CGNL1: variants seen among roughly 807,000 people sequenced by gnomAD.
CGNL1 encodes the protein cingulin like 1.
A neutral mutation model predicts 141.2 loss-of-function variants in CGNL1; 132 were observed. The observed-to-expected ratio is 0.93, with a 90% CI of 0.81 to 1.08. The LOEUF (loss-of-function observed/expected upper bound fraction) is 1.08. Ranked by LOEUF, CGNL1 falls within the 50% of genes least tolerant of loss-of-function variation. The probability of loss-of-function intolerance (pLI) is 0.00; values close to 1 mark genes in which losing one functional copy is unlikely to be tolerated. For synonymous variants in CGNL1, 690 were observed against 622.1 expected, an observed-to-expected ratio of 1.11 and a Z score of -1.63; for missense variants, 1,870 against 1,588.6, an observed-to-expected ratio of 1.18 and a Z score of -3.01.
At chr15:57,429,508 A>G (rs1274006222) in intron 1 of CGNL1, among the ~76,000 whole-genome samples, 3 of 152,208 alleles carry the variant, frequency 2.0e-5, no homozygotes, top group Non-Finnish European at 4.4e-5. Flanking sequence ...CTGTAGCACA[A>G]ACGGTGTGGA....
intron 2 of CGNL1, 78 bp from the exon 3 acceptor site, chr15:57,440,299 C>T (rs2063169807): frequency 1.0e-6 from 1 of 1,003,324 alleles, no homozygotes; most frequent in East Asian, 2.6e-5. Flanking sequence ...GAAGGATGCT[C>T]ACTGGAGGAA....
chr15:57,462,606 A>G (rs1490347819), intron 8 of CGNL1, among the ~76,000 whole-genome samples: 1 of 152,218 alleles, frequency 6.6e-6, no homozygotes, highest in East Asian at 1.9e-4. Flanking sequence ...AGACTCTGCA[A>G]TATATAGGTT....
At chr15:57,528,529 G>C (rs539083041) in intron 12 of CGNL1, 125 bp from the exon 13 acceptor site, 1 of 926,126 alleles carries the variant, frequency 1.1e-6, no homozygotes, top group Admixed American at 2.4e-5. Context: ...AAGGTCTTCT[G>C]ATCTCCCATA....
At chr15:57,512,744 CT>C (rs1193115723) in intron 8 of CGNL1, among the ~76,000 whole-genome samples, 1 of 152,290 alleles carries the variant, frequency 6.6e-6, no homozygotes. Context: ...TATCCTCATT[CT>C]TCCTGAGATT....
At chr15:57,389,895 A>T (rs1244284465) in intron 1 of CGNL1, among the ~76,000 whole-genome samples, 1 of 736 alleles carries the variant, frequency 1.4e-3, no homozygotes, top group African/African-American at 2.7e-3. Flanking sequence ...GCTCACTGCA[A>T]CCTCCCACCT....
intron 8 of CGNL1, among the ~76,000 whole-genome samples, chr15:57,495,958 G>A (rs775686907): frequency 2.0e-5 from 3 of 152,156 alleles, no homozygotes; most frequent in Non-Finnish European, 4.4e-5. Flanking sequence ...GGCCAAGAAT[G>A]TCTTGGCAAT....
At chr15:57,403,397 C>A (rs921455740) in intron 1 of CGNL1, among the ~76,000 whole-genome samples, 4 of 152,200 alleles carry the variant, frequency 2.6e-5, no homozygotes, top group Non-Finnish European at 5.9e-5. Context: ...CATTAAACCT[C>A]CATGCAAAGA....
At chr15:57,464,508 T>C (rs1301427712) in intron 8 of CGNL1, among the ~76,000 whole-genome samples, 1 of 152,184 alleles carries the variant, frequency 6.6e-6, no homozygotes, top group East Asian at 1.9e-4. Context: ...GTCTGGCAAG[T>C]GAAAGTTAGT....
chr15:57,386,619 G>A (rs746326412), intron 1 of CGNL1, among the ~76,000 whole-genome samples: 27 of 152,210 alleles, frequency 1.8e-4, no homozygotes, highest in Non-Finnish European at 3.1e-4. Flanking sequence ...GGCTTTTCCC[G>A]TGCTTGTTGT....
intron 14 of CGNL1, among the ~76,000 whole-genome samples, chr15:57,537,204 G>A (rs1350978037): frequency 6.6e-6 from 1 of 152,204 alleles, no homozygotes; most frequent in Non-Finnish European, 1.5e-5. Flanking sequence ...CCAGGCAGCT[G>A]GCAGGCAGGA....
chr15:57,419,350 C>G (rs1880210655), intron 1 of CGNL1, among the ~76,000 whole-genome samples: 1 of 152,164 alleles, frequency 6.6e-6, no homozygotes, highest in Admixed American at 6.5e-5. Flanking sequence ...CAATATCATG[C>G]AATTGGTTTG....
At chr15:57,393,513 G>C (rs1040782839) in intron 1 of CGNL1, among the ~76,000 whole-genome samples, 1 of 152,164 alleles carries the variant, frequency 6.6e-6, no homozygotes, top group Non-Finnish European at 1.5e-5. Flanking sequence ...CAGTGTGTGT[G>C]TGTATTTATG....
At position 57,438,795 on chromosome 15, in the gene CGNL1, C is replaced by G. The variant is rs371105851; in HGVS notation, c.796C>G (p.Pro266Ala). Residue 266 changes from proline to alanine, a missense_variant, in exon 2 of 19, where the codon CCT becomes GCT. Pro to Ala is a conservative substitution (Grantham distance 27, BLOSUM62 -1). Coordinates refer to ENST00000281282, the MANE Select transcript of CGNL1 (RefSeq NM_032866.5). ...GACTGCCCACAGCCCACATGCCCAC[C>G]CTGAAACCAAGAAAACCAGGCCAGA... ...PLTAHSPHAH[P>A]ETKKTRPDVL... 6.8e-6 allele frequency: 11 copies of G among 1,614,064 alleles called. No homozygotes were observed. In the African/African-American group the frequency reaches 9.3e-5, roughly 14 times the overall value.
intron 14 of CGNL1, among the ~76,000 whole-genome samples, chr15:57,535,660 G>A (rs149945323): frequency 6.6e-6 from 1 of 152,362 alleles, no homozygotes; most frequent in African/African-American, 2.4e-5. Context: ...AAGGAGATAA[G>A]TTTGAAGAGG....
At chr15:57,501,741 G>A (rs1270096020) in intron 8 of CGNL1, among the ~76,000 whole-genome samples, 2 of 152,136 alleles carry the variant, frequency 1.3e-5, no homozygotes, top group Non-Finnish European at 1.5e-5. Flanking sequence ...GAGCCAGAGG[G>A]TTATTGGAGG....
chr15:57,388,324 A>T (rs1419067369), intron 1 of CGNL1, among the ~76,000 whole-genome samples: 1 of 152,108 alleles, frequency 6.6e-6, no homozygotes, highest in Non-Finnish European at 1.5e-5. Context: ...TAAAATAAAG[A>T]AAATTCTAGG....
At chr15:57,537,248 G>A (rs2032309022) in intron 14 of CGNL1, among the ~76,000 whole-genome samples, 1 of 152,130 alleles carries the variant, frequency 6.6e-6, no homozygotes, top group African/African-American at 2.4e-5. Flanking sequence ...TGGCTTCATG[G>A]TCTCTCCAGG....
At chr15:57,415,963 A>G (rs2152275957) in intron 1 of CGNL1, among the ~76,000 whole-genome samples, 1 of 152,200 alleles carries the variant, frequency 6.6e-6, no homozygotes, top group South Asian at 2.1e-4. Context: ...CGGCCGTGGG[A>G]TCCCTGCTCT....
Position 57,548,229 on chromosome 15 carries a change from G to C in CGNL1, c.*739G>C, listed in dbSNP as rs1358284866. On this transcript the variant is annotated 3_prime_UTR_variant, in exon 19 of 19. Transcript: ENST00000281282. Reference sequence around the variant, plus strand: ...TTGGTCAGGCTGGTCTTGAACTCCTGACCTCAGGTGATCCACCTGCCTCAG... The same window carrying C: ...TTGGTCAGGCTGGTCTTGAACTCCTCACCTCAGGTGATCCACCTGCCTCAG... 6.6e-6 allele frequency: 1 copy of C among 152,140 alleles called. No homozygotes were observed. Among genetic ancestry groups the C allele is most frequent in the Non-Finnish European group, 1.5e-5 (1 of 68,058 alleles). 9.4% of individuals were successfully genotyped at this position (152,140 alleles called of 1,614,324 possible).
Sources: gnomAD v4.1 joint callset for allele counts (sites outside exome capture counted in the v4.1 genomes callset) on GRCh38, gnomAD v4.1.1 for gene constraint, MANE v1.5 for transcripts, NCBI Gene and HGNC (gene_info 2026-07-23, HGNC 2026-07-21) for gene names.